Variants in FRYL observed in about 807,000 individuals in gnomAD.
FRYL encodes the protein protein furry homolog-like.
In FRYL, 150 loss-of-function variants were observed where a neutral mutation model predicts 351.2. That is an observed-to-expected ratio of 0.43 (90% CI 0.37 to 0.49). The LOEUF (loss-of-function observed/expected upper bound fraction) is 0.49, where lower values mean the gene tolerates loss of function less well. Among genes scored for constraint, FRYL ranks in the 20% least tolerant of loss-of-function variants. The pLI, the probability that FRYL is intolerant of heterozygous loss-of-function variation, is 0.00. For missense variants in FRYL, 3,036 were observed against 3,619.3 expected (o/e 0.84, Z 4.13); for synonymous variants, 1,153 against 1,257.1 (o/e 0.92, Z 1.75).
At chr4:48,620,139 A>T (rs1373494885) in intron 6 of FRYL, among the ~76,000 whole-genome samples, 20 of 152,202 alleles carry the variant, frequency 1.3e-4, no homozygotes, top group Admixed American at 1.3e-3. Flanking sequence ...ACCTGAACAC[A>T]CGTGGCTCTT....
chr4:48,564,991 G>C lies in FRYL; in HGVS notation c.3383C>G (p.Ser1128Ter). 6.2e-7 allele frequency: 1 copy of C among 1,610,356 alleles called. No homozygotes were observed. The highest frequency in any genetic ancestry group is 8.5e-7 in the Non-Finnish European group (1 of 1,177,470). ...CCATTTGTACAAATAGCCATCTGAT[G>C]AAAGTCCTACATTATCTGCAACAGG... ...CGPVADNVGL[S>*]SDGYLYKWLD... is the part of the protein sequence containing the mutation. The change falls in exon 30 of 64, where the codon TCA (serine) becomes TGA (stop). Residue 1128 changes from serine to a stop codon, truncating the protein, a stop_gained. Coordinates refer to ENST00000358350, the MANE Select transcript of FRYL (RefSeq NM_015030.2). LOFTEE classifies it high-confidence loss of function.
At position 48,590,674 on chromosome 4, in the gene FRYL, C is replaced by T; in HGVS notation, c.1492G>A (p.Glu498Lys). The stretch of plus-strand genomic sequence containing the variant: ...TTAAACTAACCTATGACTTTTGCTT[C>T]TTCATCTGTCAAGGTTTTATTGAGA... ...IFLNKTLTDEEAKVIGMSVYY... is the reference protein window; with the variant it reads ...IFLNKTLTDEKAKVIGMSVYY... Residue 498 changes from glutamate (E) to lysine (K), a missense_variant, in exon 17 of 64, where the codon GAA (glutamate) becomes AAA (lysine). Around this residue, in one of 7 missense-constraint regions of FRYL, gnomAD observed 78 missense variants for 106.6 expected, o/e 0.73. Transcript: ENST00000358350. 1 of 1,606,466 alleles carries T rather than the reference C, an allele frequency of 6.2e-7. No homozygotes were observed. The highest frequency in any genetic ancestry group is 2.2e-5 in the East Asian group (1 of 44,806).
intron 61 of FRYL, 140 bp from the exon 62 acceptor site, chr4:48,501,873 G>C (rs1285465926): frequency 2.2e-5 from 13 of 599,586 alleles, no homozygotes; most frequent in Non-Finnish European, 3.5e-5. Flanking sequence ...CTGATGAAAG[G>C]CACGTGAAAT....
At position 48,499,494 on chromosome 4, in the gene FRYL, T is replaced by TAGAGA. The variant is rs1334826198; in HGVS notation, c.8965_8969dup (p.Arg2991LeufsTer11). 3 of 1,613,972 alleles carry TAGAGA rather than the reference T, an allele frequency of 1.9e-6. No individual in the cohort carries two copies. The African/African-American group carries it at 4.0e-5, about 22-fold the overall frequency. On this transcript the variant is annotated frameshift_variant, in exon 64 of 64. Transcript: ENST00000358350. LOFTEE classifies it high-confidence loss of function. Reference sequence around the variant, plus strand: ...GAAGTTGGTATGATTGCACCATGCGTAGAGACTCTCTTATTTCCAGATTAA... The same window carrying TAGAGA: ...GAAGTTGGTATGATTGCACCATGCGTAGAGAAGAGACTCTCTTATTTCCAGATTAA...
intron 22 of FRYL, 58 bp downstream of exon 22, chr4:48,580,805 CAT>C: frequency 9.8e-7 from 1 of 1,018,044 alleles, no homozygotes; most frequent in Non-Finnish European, 1.5e-6. Context: ...TACATGTATA[CAT>C]ATGTGTCTGT....
At chr4:48,684,099 T>C (rs1295023499) in intron 3 of FRYL, among the ~76,000 whole-genome samples, 3 of 152,166 alleles carry the variant, frequency 2.0e-5, no homozygotes, top group African/African-American at 2.4e-5. Flanking sequence ...GTTAAGGTAA[T>C]AGGGATAGGA....
At chr4:48,742,600 C>G (rs1772216901) in intron 1 of FRYL, among the ~76,000 whole-genome samples, 1 of 152,120 alleles carries the variant, frequency 6.6e-6, no homozygotes, top group South Asian at 2.1e-4. Flanking sequence ...CTCAGGACTG[C>G]TATTCATTCT....
intron 33 of FRYL, among the ~76,000 whole-genome samples, chr4:48,559,554 C>CA (rs1329323486): frequency 1.0e-4 from 6 of 59,808 alleles, no homozygotes; most frequent in African/African-American, 3.3e-4. Flanking sequence ...AAAAAAAAGC[C>CA]AGGTGTGGTG....
intron 6 of FRYL, among the ~76,000 whole-genome samples, chr4:48,620,099 C>T (rs935415202): frequency 6.6e-6 from 1 of 152,184 alleles, no homozygotes. Flanking sequence ...GTGGCATCTA[C>T]TGAAGTCCAA....
chr4:48,543,222 T>C (rs748202843), intron 44 of FRYL, among the ~76,000 whole-genome samples: 11 of 152,236 alleles, frequency 7.2e-5, no homozygotes, highest in Non-Finnish European at 1.5e-4. Flanking sequence ...AGATGGATTA[T>C]CATATGTAAA....
At position 48,628,066 on chromosome 4, in the gene FRYL, C is replaced by T. The variant is rs112231936; in HGVS notation, c.121-4887G>A. On this transcript the variant is annotated intron_variant, in intron 4 of 63. Transcript: ENST00000358350. ...GGTTACAGGCGTGAGCCACCATGCC[C>T]GGCCTCAATATATTAGTATTTTTTA... 3.5e-3 allele frequency among the ~76,000 whole-genome samples: 536 copies of T among 152,204 alleles called. 6 individuals carry two copies. Among genetic ancestry groups the T allele is most frequent in the African/African-American group, 0.013 (520 of 41,534 alleles).
chr4:48,703,798 T>C (rs879920504), intron 2 of FRYL, among the ~76,000 whole-genome samples: 2 of 152,362 alleles, frequency 1.3e-5, no homozygotes, highest in South Asian at 2.1e-4. Context: ...CCCTGAGAGC[T>C]AGGATTATAC....
chr4:48,705,473 A>G (rs1767231110), intron 2 of FRYL, among the ~76,000 whole-genome samples: 2 of 151,416 alleles, frequency 1.3e-5, no homozygotes. Context: ...AACAAGTAAA[A>G]AAAAAAAACA....
Position 48,549,481 on chromosome 4 carries a change from A to G in FRYL, c.4776T>C (p.Pro1592=), listed in dbSNP as rs771592561. The change falls in exon 39 of 64, where the codon CCT becomes CCC. Residue 1592 remains proline, a synonymous_variant. Transcript: ENST00000358350. This position sits in a 1 kb window ranked among gnomAD's most constrained non-coding sequence, Gnocchi z 4.2. ...YVPETSSPGL[P]LHRCNIAVIL... The stretch of plus-strand genomic sequence containing the variant: ...ATGACGCTGTAGTCCACCTGTGAAG[A>G]GGTAATCCAGGTGATGACGTTTCAG... 30 of 1,612,118 alleles carry G rather than the reference A, an allele frequency of 1.9e-5. No individual in the cohort carries two copies. Among genetic ancestry groups the G allele is most frequent in the Non-Finnish European group, 2.4e-5 (28 of 1,178,894 alleles).
chr4:48,517,137 G>C (rs1723816339), intron 55 of FRYL, among the ~76,000 whole-genome samples: 1 of 152,016 alleles, frequency 6.6e-6, no homozygotes, highest in African/African-American at 2.4e-5. Context: ...TATACTCTAA[G>C]GTTTCCAGAT....
chr4:48,702,985 T>C (rs1455230912), intron 2 of FRYL, among the ~76,000 whole-genome samples: 7 of 152,020 alleles, frequency 4.6e-5, no homozygotes, highest in African/African-American at 1.4e-4. Context: ...GATGTCATGA[T>C]GGAAGATCGG....
At chr4:48,711,748 G>C (rs1461582212) in intron 1 of FRYL, among the ~76,000 whole-genome samples, 1 of 152,166 alleles carries the variant, frequency 6.6e-6, no homozygotes, top group African/African-American at 2.4e-5. Context: ...ATCTGAGAAT[G>C]GGCAGACTGC....
At chr4:48,509,642 T>C (rs960782740) in intron 59 of FRYL, among the ~76,000 whole-genome samples, 7 of 152,182 alleles carry the variant, frequency 4.6e-5, no homozygotes, top group Non-Finnish European at 8.8e-5. Flanking sequence ...TAGGAGGTAA[T>C]TGTCTAATTC....
At chr4:48,689,691 A>G (rs1765502551) in intron 2 of FRYL, among the ~76,000 whole-genome samples, 1 of 152,182 alleles carries the variant, frequency 6.6e-6, no homozygotes, top group Non-Finnish European at 1.5e-5. Context: ...TTCCAGTGGG[A>G]GCTTAAGCCT....
Sources: gnomAD v4.1 joint callset for allele counts (sites outside exome capture counted in the v4.1 genomes callset) on GRCh38, gnomAD v4.1.1 for gene constraint, gnomAD v4.1.1 regional missense constraint, Gnocchi (gnomAD v3.1) non-coding constraint, MANE v1.5 for transcripts, NCBI Gene and HGNC (gene_info 2026-07-23, HGNC 2026-07-21) for gene names.